MAPK10: variants seen among roughly 807,000 people sequenced by gnomAD.
MAPK10 encodes mitogen-activated protein kinase 10, also known as JNK3 alpha protein kinase.
In MAPK10, 25 loss-of-function variants were observed where a neutral mutation model predicts 59.3. That is an observed-to-expected ratio of 0.42 (90% confidence interval 0.31 to 0.59). The LOEUF (loss-of-function observed/expected upper bound fraction) is 0.59. MAPK10 is among the 20% of genes least tolerant of loss of function. The pLI is 0.15. For synonymous variants in MAPK10, 190 were observed against 200.5 expected (o/e 0.95, Z 0.44); for missense variants, 351 against 568.9 (o/e 0.62, Z 3.90).
At chr4:86,381,645 C>T (rs1740732027) in intron 1 of MAPK10, among the ~76,000 whole-genome samples, 1 of 152,210 alleles carries the variant, frequency 6.6e-6, no homozygotes, top group Non-Finnish European at 1.5e-5. Flanking sequence ...CAGTCTCTCT[C>T]CCCTGGCTCC....
At chr4:86,559,989 G>T (rs1209867589) in intron 1 of MAPK10, among the ~76,000 whole-genome samples, 2 of 150,090 alleles carry the variant, frequency 1.3e-5, no homozygotes, top group Non-Finnish European at 3.0e-5. Context: ...TATAAAACCA[G>T]TCAATTTTTT....
intron 2 of MAPK10, among the ~76,000 whole-genome samples, chr4:86,319,538 C>T (rs2148888739): frequency 6.6e-6 from 1 of 152,288 alleles, no homozygotes; most frequent in Admixed American, 6.5e-5. Flanking sequence ...TGCCCTTAGC[C>T]ACTTCCTTTC....
At chr4:86,515,853 C>A (rs375415882) in intron 1 of MAPK10, among the ~76,000 whole-genome samples, 2 of 149,724 alleles carry the variant, frequency 1.3e-5, no homozygotes, top group African/African-American at 4.9e-5. Context: ...TAAGACACAT[C>A]TATTTATCTT....
chr4:86,355,349 C>T (rs1053081236), intron 1 of MAPK10, among the ~76,000 whole-genome samples: 1 of 152,022 alleles, frequency 6.6e-6, no homozygotes, highest in Non-Finnish European at 1.5e-5. Context: ...CTCACAATTA[C>T]TCCTAGGACT....
chr4:86,194,359 C>G lies in MAPK10; in HGVS notation c.43G>C (p.Asp15His). Residue 15 changes from aspartate to histidine, a missense_variant, in exon 3 of 14, where the codon GAT (aspartate) becomes CAT (histidine). Asp to His is a moderately conservative substitution (Grantham distance 81, BLOSUM62 -1). This residue lies in a region of MAPK10 where 61 missense variants were observed against 58.4 expected (regional missense o/e 1.05). Coordinates refer to ENST00000641462, the MANE Select transcript of MAPK10 (RefSeq NM_138982.4). ...ACCTGACAAAAGGCAATTTTCACATCCAATGTTGGTTCACTGCAGTAGTAT... is the reference window on the plus strand; with the variant it reads ...ACCTGACAAAAGGCAATTTTCACATGCAATGTTGGTTCACTGCAGTAGTAT... The part of the protein sequence containing the change: ...FLYYCSEPTL[D>H]VKIAFCQGFD... 6.2e-7 allele frequency: 1 copy of G among 1,613,502 alleles called. No individual in the cohort carries two copies. The highest frequency in any genetic ancestry group is 8.5e-7 in the Non-Finnish European group (1 of 1,179,516).
At chr4:86,248,785 G>A (rs949621069) in intron 2 of MAPK10, among the ~76,000 whole-genome samples, 2 of 152,256 alleles carry the variant, frequency 1.3e-5, no homozygotes, top group South Asian at 4.1e-4. Context: ...AAACACCAAA[G>A]AGCAGTAATA....
At chr4:86,489,163 A>C (rs1754264919) in intron 1 of MAPK10, among the ~76,000 whole-genome samples, 1 of 152,230 alleles carries the variant, frequency 6.6e-6, no homozygotes, top group Non-Finnish European at 1.5e-5. Context: ...AGATGACTAC[A>C]GACTCATGAG....
intron 3 of MAPK10, among the ~76,000 whole-genome samples, chr4:86,159,891 G>T (rs1460597290): frequency 6.7e-6 from 1 of 148,806 alleles, no homozygotes; most frequent in African/African-American, 2.6e-5. Flanking sequence ...CATGAGAACA[G>T]ATAAAAAATT....
At chr4:86,435,001 G>A (rs902736798) in intron 1 of MAPK10, among the ~76,000 whole-genome samples, 15 of 152,156 alleles carry the variant, frequency 9.9e-5, no homozygotes, top group Non-Finnish European at 1.3e-4. Context: ...CAACATGGAC[G>A]AAACTGGAGG....
In MAPK10 at chr4:86,012,821, G is replaced by C. The variant is rs547725519; in HGVS notation, c.*4407C>G. Reference sequence around the variant, plus strand: ...GGTTTTGCCTTCCAGGGTTGATCTAGAACTGTAAGGGTGCATGTGAATGTG... The same window carrying C: ...GGTTTTGCCTTCCAGGGTTGATCTACAACTGTAAGGGTGCATGTGAATGTG... On this transcript the variant is annotated 3_prime_UTR_variant, in exon 14 of 14. Transcript: ENST00000641462. The C allele has an allele frequency of 6.6e-6, 1 of 152,284 alleles. No individual in the cohort carries two copies. Among genetic ancestry groups the C allele is most frequent in the South Asian group, 2.1e-4 (1 of 4,820 alleles). The allele number at this position is 152,284 out of a possible 1,614,324, so 9.4% of individuals were successfully genotyped here. A position where few individuals can be genotyped will look rare whatever the true frequency, so the allele number is the denominator to read the frequency against.
intron 1 of MAPK10, among the ~76,000 whole-genome samples, chr4:86,507,853 C>A (rs1372293450): frequency 6.7e-6 from 1 of 149,738 alleles, no homozygotes; most frequent in East Asian, 2.0e-4. Flanking sequence ...TGCCTGATAA[C>A]AAGAACTATC....
intron 1 of MAPK10, among the ~76,000 whole-genome samples, chr4:86,359,288 C>CTCTCTCTCTCTCTCTCTCTGTGTG (rs796310826): frequency 3.2e-5 from 3 of 94,630 alleles, no homozygotes; most frequent in African/African-American, 1.1e-4. Flanking sequence ...CTCTCTCTCT[C>CTCTCTCTCTCTCTCTCTCTGTGTG]TGTGTGTGTG....
chr4:86,469,474 T>G (rs369926082), intron 1 of MAPK10, among the ~76,000 whole-genome samples: 2 of 152,310 alleles, frequency 1.3e-5, no homozygotes, highest in South Asian at 2.1e-4. Flanking sequence ...AGACAGCTCC[T>G]GGATTCTATG....
In MAPK10 at chr4:86,403,544, A is replaced by C. The variant is rs143279362; in HGVS notation, c.-121-48900T>G. Among the ~76,000 whole-genome samples, 1,494 of 152,166 alleles carry C rather than the reference A, an allele frequency of 9.8e-3. 18 individuals carry two copies. The highest frequency in any genetic ancestry group is 0.034 in the African/African-American group (1,414 of 41,524). On this transcript the variant is annotated intron_variant, in intron 1 of 13. Coordinates refer to the MAPK10 transcript ENST00000361569. ...TCACACACACACACAAAAAACAACA[A>C]CAAAACCTGAGACTGGGTAATTTAT...
rs565465089 is a variant in MAPK10 at position 86,011,674 on chromosome 4, A to C, written c.*5554T>G. The stretch of plus-strand genomic sequence containing the variant: ...GGTACCTATGCTTGACCTTTTTTAA[A>C]GAGAGTAAGGATCTGTGATTTAAAC... On this transcript the variant is annotated 3_prime_UTR_variant, in exon 14 of 14. Coordinates refer to ENST00000641462, the MANE Select transcript of MAPK10 (RefSeq NM_138982.4). 2 of 152,162 alleles carry C rather than the reference A, an allele frequency of 1.3e-5. No individual in the cohort carries two copies. The highest frequency in any genetic ancestry group is 3.8e-4 in the East Asian group (2 of 5,198). 9.4% of individuals were successfully genotyped at this position (152,162 alleles called of 1,614,324 possible). A position where few individuals can be genotyped will look rare whatever the true frequency, so the allele number is the denominator to read the frequency against.
chr4:86,146,912 C>A (rs1481995000), intron 4 of MAPK10, among the ~76,000 whole-genome samples: 1 of 152,132 alleles, frequency 6.6e-6, no homozygotes, highest in Non-Finnish European at 1.5e-5. Flanking sequence ...GATTAGATGG[C>A]AGGATCTTTG....
At chr4:86,548,549 T>C (rs905147769) in intron 1 of MAPK10, among the ~76,000 whole-genome samples, 1 of 152,216 alleles carries the variant, frequency 6.6e-6, no homozygotes, top group African/African-American at 2.4e-5. Context: ...GACTGGATCA[T>C]TGGGTTGGTT....
intron 11 of MAPK10, among the ~76,000 whole-genome samples, chr4:86,039,686 A>T (rs2041100302): frequency 6.6e-6 from 1 of 152,150 alleles, no homozygotes; most frequent in Non-Finnish European, 1.5e-5. Flanking sequence ...TTTCCTGCAG[A>T]CTCAGACTCA....
intron 1 of MAPK10, among the ~76,000 whole-genome samples, chr4:86,530,845 C>CT: frequency 6.6e-6 from 1 of 152,254 alleles, no homozygotes; most frequent in South Asian, 2.1e-4. Flanking sequence ...GAAAATGCAT[C>CT]TTTTTCCTGT....
Sources: allele counts gnomAD v4.1 joint callset (sites outside exome capture counted in the v4.1 genomes callset), GRCh38; gene constraint gnomAD v4.1.1; regional missense constraint gnomAD v4.1.1; transcripts MANE v1.5; gene names NCBI Gene and HGNC (gene_info 2026-07-23, HGNC 2026-07-21).